MACROD2: variants seen among roughly 807,000 people sequenced by gnomAD.
The protein encoded by MACROD2 is mono-ADP ribosylhydrolase 2.
A neutral mutation model predicts 70.4 loss-of-function variants in MACROD2; 36 were observed. That is an observed-to-expected ratio of 0.51 (90% confidence interval 0.39 to 0.68). The LOEUF (loss-of-function observed/expected upper bound fraction) is 0.68. MACROD2 is among the 30% of genes least tolerant of loss of function. The pLI, the probability that MACROD2 is intolerant of heterozygous loss-of-function variation, is 0.00. For missense variants in MACROD2, 496 were observed against 538.4 expected, an observed-to-expected ratio of 0.92 and a Z score of 0.78; for synonymous variants, 172 against 178.8, an observed-to-expected ratio of 0.96 and a Z score of 0.30.
At chr20:15,337,114 C>T (rs898630708) in intron 6 of MACROD2, among the ~76,000 whole-genome samples, 2 of 151,840 alleles carry the variant, frequency 1.3e-5, no homozygotes, top group South Asian at 2.1e-4. Flanking sequence ...GTTAGGAGGT[C>T]ATAAAGCCAT....
chr20:15,335,119 C>T (rs1396110401), intron 6 of MACROD2, among the ~76,000 whole-genome samples: 1 of 151,746 alleles, frequency 6.6e-6, no homozygotes, highest in Non-Finnish European at 1.5e-5. Context: ...GGAGCTAACT[C>T]ATGATAGCAC....
intron 5 of MACROD2, among the ~76,000 whole-genome samples, chr20:15,102,999 T>G (rs1365033334): frequency 4.6e-5 from 7 of 152,166 alleles, no homozygotes; most frequent in African/African-American, 1.7e-4. Context: ...ATATGTCTTA[T>G]TTAGACATAA....
At chr20:15,842,819 C>T (rs973578688) in intron 8 of MACROD2, among the ~76,000 whole-genome samples, 1 of 152,082 alleles carries the variant, frequency 6.6e-6, no homozygotes, top group African/African-American at 2.4e-5. Context: ...AGGCACGTAA[C>T]ACTTTACCTC....
chr20:15,427,845 T>G (rs1568800540), intron 6 of MACROD2, among the ~76,000 whole-genome samples: 1 of 152,134 alleles, frequency 6.6e-6, no homozygotes, highest in Non-Finnish European at 1.5e-5. Context: ...AGGTCAGTGA[T>G]TCTCAACAAG....
chr20:15,914,635 G>T (rs1028714167), intron 10 of MACROD2, among the ~76,000 whole-genome samples: 2 of 152,098 alleles, frequency 1.3e-5, no homozygotes, highest in Admixed American at 1.3e-4. Context: ...TCAAATATGT[G>T]TTTTTTCCCT....
At chr20:15,256,031 C>A (rs2077196410) in intron 6 of MACROD2, among the ~76,000 whole-genome samples, 1 of 152,074 alleles carries the variant, frequency 6.6e-6, no homozygotes, top group Non-Finnish European at 1.5e-5. Flanking sequence ...CTTGCTTAAT[C>A]CCTGGATATC....
intron 4 of MACROD2, among the ~76,000 whole-genome samples, chr20:14,560,308 T>TACACAC (rs1232499100): frequency 0.41 from 60,936 of 147,156 alleles, 13,060 homozygotes; most frequent in East Asian, 0.58. Context: ...GTACTTAATG[T>TACACAC]ACACACACAC....
At chr20:14,716,965 A>G (rs917950473) in intron 5 of MACROD2, among the ~76,000 whole-genome samples, 1 of 152,144 alleles carries the variant, frequency 6.6e-6, no homozygotes, top group Non-Finnish European at 1.5e-5. Context: ...TCCTTAAATT[A>G]TGTTTAATTT....
At chr20:14,207,882 A>T (rs1054866741) in intron 3 of MACROD2, among the ~76,000 whole-genome samples, 1 of 152,218 alleles carries the variant, frequency 6.6e-6, no homozygotes. Flanking sequence ...TGCAAGGTAC[A>T]TGTAGTGAGT....
intron 5 of MACROD2, among the ~76,000 whole-genome samples, chr20:15,012,676 G>A (rs1236821444): frequency 6.6e-6 from 1 of 152,114 alleles, no homozygotes; most frequent in Non-Finnish European, 1.5e-5. Flanking sequence ...AATGGGCTCT[G>A]CCAGGCGTGG....
At chr20:15,426,909 C>T (rs1446260528) in intron 6 of MACROD2, among the ~76,000 whole-genome samples, 1 of 152,034 alleles carries the variant, frequency 6.6e-6, no homozygotes, top group Non-Finnish European at 1.5e-5. Context: ...TTCTGATGGC[C>T]CCATCAGAAG....
intron 5 of MACROD2, among the ~76,000 whole-genome samples, chr20:14,924,458 T>TA (rs1475605669): frequency 1.3e-5 from 2 of 148,762 alleles, no homozygotes; most frequent in Non-Finnish European, 3.0e-5. Context: ...AAATAAAAAA[T>TA]AAAAAATAAA....
chr20:15,988,096 C>T (rs566502590), intron 15 of MACROD2, among the ~76,000 whole-genome samples: 6 of 152,130 alleles, frequency 3.9e-5, no homozygotes, highest in Non-Finnish European at 8.8e-5. Flanking sequence ...GGGGCATTGA[C>T]AGTTTAATTG....
intron 5 of MACROD2, among the ~76,000 whole-genome samples, chr20:14,923,081 A>C (rs113703472): frequency 6.6e-6 from 1 of 152,146 alleles, no homozygotes; most frequent in Non-Finnish European, 1.5e-5. Flanking sequence ...CCAGCGGTCA[A>C]TTCTCTCCAG....
chr20:14,559,605 T>C (rs1269138023), intron 4 of MACROD2, among the ~76,000 whole-genome samples: 2 of 151,860 alleles, frequency 1.3e-5, no homozygotes, highest in Non-Finnish European at 2.9e-5. Context: ...CTCCCTCTAC[T>C]TTCTGTTTTT....
chr20:15,462,448 G>A (rs1318807963), intron 7 of MACROD2, among the ~76,000 whole-genome samples: 1 of 152,178 alleles, frequency 6.6e-6, no homozygotes, highest in East Asian at 1.9e-4. Flanking sequence ...AATTAAAAGT[G>A]ATGAGAACCC....
intron 4 of MACROD2, among the ~76,000 whole-genome samples, chr20:14,558,590 A>G (rs556961826): frequency 1.3e-5 from 2 of 151,912 alleles, no homozygotes; most frequent in African/African-American, 4.8e-5. Flanking sequence ...AGAGCTAAAG[A>G]GAGACATTGT....
chr20:15,289,566 C>CA (rs1217317283), intron 6 of MACROD2, among the ~76,000 whole-genome samples: 1 of 152,172 alleles, frequency 6.6e-6, no homozygotes, highest in Non-Finnish European at 1.5e-5. Flanking sequence ...CCGTGAAGAA[C>CA]AAGGAAGTGG....
chr20:14,377,356 T>C lies in MACROD2; in HGVS notation c.272-116123T>C, dbSNP rs116991998. On this transcript the variant is annotated intron_variant, in intron 3 of 17. Transcript: ENST00000684519. ...GGTTTCCTGGGATGCTCTAATGAGT[T>C]GCAGACCACACCATCACTCCTGTGT... 1.4e-3 allele frequency among the ~76,000 whole-genome samples: 219 copies of C among 152,342 alleles called. 8 individuals are homozygous for C. The East Asian group carries it at 0.04, about 28-fold the overall frequency.
Sources: gnomAD v4.1 joint callset for allele counts (sites outside exome capture counted in the v4.1 genomes callset) on GRCh38, gnomAD v4.1.1 for gene constraint, MANE v1.5 for transcripts, NCBI Gene and HGNC (gene_info 2026-07-23, HGNC 2026-07-21) for gene names.